Variants in RYR2 observed in about 807,000 individuals in gnomAD.
RYR2 encodes ryanodine receptor 2.
In RYR2, 227 loss-of-function variants were observed where a neutral mutation model predicts 601.1. That is an observed-to-expected ratio of 0.38 (90% CI 0.34 to 0.42). The LOEUF is 0.42. Ranked by LOEUF, RYR2 falls within the 10% of genes least tolerant of loss-of-function variation. RYR2 has a pLI of 1.00. For missense variants in RYR2, 4,646 were observed against 6,156.5 expected (o/e 0.75, Z 8.21); for synonymous variants, 2,223 against 2,175.1 (o/e 1.02, Z -0.61).
intron 17 of RYR2, among the ~76,000 whole-genome samples, chr1:237,487,370 AT>A (rs952662540): frequency 1.1e-4 from 16 of 152,040 alleles, no homozygotes; most frequent in African/African-American, 3.9e-4. Context: ...TCCTTTAAGA[AT>A]TTTTTATTAT....
At chr1:237,806,888 C>T (rs940255076) in intron 99 of RYR2, among the ~76,000 whole-genome samples, 2 of 152,302 alleles carry the variant, frequency 1.3e-5, no homozygotes, top group Admixed American at 6.5e-5. Context: ...GTTAAGACTT[C>T]CCATTATCCT....
intron 2 of RYR2, among the ~76,000 whole-genome samples, chr1:237,276,974 A>G (rs1690354413): frequency 6.6e-6 from 1 of 152,156 alleles, no homozygotes; most frequent in Non-Finnish European, 1.5e-5. Flanking sequence ...ATTTTTTGCA[A>G]AGGTAATTTA....
At chr1:237,089,506 A>G (rs1666720334) in intron 1 of RYR2, among the ~76,000 whole-genome samples, 1 of 152,210 alleles carries the variant, frequency 6.6e-6, no homozygotes, top group Non-Finnish European at 1.5e-5. Flanking sequence ...ATGATTTTAA[A>G]GAAATCAGAC....
Position 237,608,235 on chromosome 1 carries a change from G to A in RYR2, c.4684-2527G>A, listed in dbSNP as rs541950101. ...GAGGGCAGAACTCTCAAGAATGTTG[G>A]AGAAGAACTGAAAGAGACATTTTAG... On this transcript the variant is annotated intron_variant, in intron 35 of 104. Coordinates refer to ENST00000366574, the MANE Select transcript of RYR2 (RefSeq NM_001035.3). 1.2e-4 allele frequency among the ~76,000 whole-genome samples: 18 copies of A among 152,320 alleles called. No homozygotes were observed. The South Asian group carries it at 3.3e-3, about 28-fold the overall frequency.
intron 38 of RYR2, among the ~76,000 whole-genome samples, chr1:237,620,892 A>G (rs970321243): frequency 6.6e-6 from 1 of 152,132 alleles, no homozygotes; most frequent in Non-Finnish European, 1.5e-5. Context: ...TATGACACGG[A>G]AAAACTCCAC....
intron 11 of RYR2, among the ~76,000 whole-genome samples, chr1:237,418,769 G>A (rs1705263167): frequency 6.6e-6 from 1 of 151,832 alleles, no homozygotes; most frequent in Non-Finnish European, 1.5e-5. Context: ...ATGTTAGTCT[G>A]TAACTTTAAA....
chr1:237,277,116 T>TA (rs1269035297), intron 2 of RYR2, among the ~76,000 whole-genome samples: 2 of 152,218 alleles, frequency 1.3e-5, no homozygotes, highest in Admixed American at 1.3e-4. Context: ...CTCAATACGA[T>TA]AAATCAATTA....
At chr1:237,545,020 A>T (rs532527598) in intron 25 of RYR2, among the ~76,000 whole-genome samples, 5 of 152,348 alleles carry the variant, frequency 3.3e-5, no homozygotes, top group African/African-American at 9.6e-5. Flanking sequence ...AGCCATTTAA[A>T]AAAACAATTC....
At chr1:237,375,890 G>A (rs762685916) in intron 7 of RYR2, among the ~76,000 whole-genome samples, 3 of 152,178 alleles carry the variant, frequency 2.0e-5, no homozygotes, top group Non-Finnish European at 4.4e-5. Flanking sequence ...TTATGTAATA[G>A]TCAAAACAAA....
At chr1:237,477,010 T>G (rs558182286) in intron 17 of RYR2, among the ~76,000 whole-genome samples, 1 of 152,298 alleles carries the variant, frequency 6.6e-6, no homozygotes, top group East Asian at 1.9e-4. Flanking sequence ...CACAAAAATC[T>G]TAGTTAGCCA....
intron 57 of RYR2, 32 bp from the exon 58 acceptor site, chr1:237,667,851 A>T (rs776866705): frequency 9.4e-6 from 14 of 1,482,944 alleles, no homozygotes; most frequent in Middle Eastern, 1.8e-4. Flanking sequence ...TTTTTTACTT[A>T]TTGAAACGAT....
chr1:237,697,368 A>G (rs1482447798), intron 63 of RYR2, among the ~76,000 whole-genome samples: 2 of 142,306 alleles, frequency 1.4e-5, no homozygotes, highest in African/African-American at 5.1e-5. Context: ...ATATATTTAT[A>G]TAATATATAA....
intron 3 of RYR2, among the ~76,000 whole-genome samples, chr1:237,334,176 A>G (rs1342379451): frequency 3.3e-5 from 5 of 152,166 alleles, no homozygotes; most frequent in Admixed American, 6.5e-5. Context: ...TCATGAATAA[A>G]TACATGGTTT....
At chr1:237,348,447 A>G (rs1332923438) in intron 3 of RYR2, among the ~76,000 whole-genome samples, 1 of 152,120 alleles carries the variant, frequency 6.6e-6, no homozygotes, top group Non-Finnish European at 1.5e-5. Flanking sequence ...AGTGGTTGCT[A>G]AGGAGGAGGG....
intron 62 of RYR2, among the ~76,000 whole-genome samples, chr1:237,686,890 T>C (rs1328108712): frequency 6.6e-6 from 1 of 152,204 alleles, no homozygotes; most frequent in Non-Finnish European, 1.5e-5. Flanking sequence ...GTTCCTACTT[T>C]ACTGTATTCA....
At chr1:237,053,780 C>G (rs572990856) in intron 1 of RYR2, among the ~76,000 whole-genome samples, 1 of 152,020 alleles carries the variant, frequency 6.6e-6, no homozygotes, top group Non-Finnish European at 1.5e-5. Context: ...ATCAGAAAAC[C>G]GTCAGAGGAA....
At chr1:237,373,307 C>T (rs1185458953) in intron 6 of RYR2, among the ~76,000 whole-genome samples, 1 of 152,144 alleles carries the variant, frequency 6.6e-6, no homozygotes, top group Non-Finnish European at 1.5e-5. Flanking sequence ...GAGTCAGAAT[C>T]AGAATCTGCA....
intron 24 of RYR2, among the ~76,000 whole-genome samples, chr1:237,526,394 C>A (rs1431692090): frequency 1.3e-5 from 2 of 151,612 alleles, no homozygotes; most frequent in African/African-American, 4.9e-5. Flanking sequence ...GTAGCCCAGG[C>A]TGGAGTGCAG....
At chr1:237,789,112 A>G (rs1001464924) in intron 92 of RYR2, among the ~76,000 whole-genome samples, 13 of 152,008 alleles carry the variant, frequency 8.6e-5, no homozygotes, top group South Asian at 2.1e-4. Context: ...AGCATGTAGA[A>G]TCCACCTACA....
Sources: gnomAD v4.1 joint callset for allele counts (sites outside exome capture counted in the v4.1 genomes callset) on GRCh38, gnomAD v4.1.1 for gene constraint, MANE v1.5 for transcripts, NCBI Gene and HGNC (gene_info 2026-07-23, HGNC 2026-07-21) for gene names.